The following CCDC91 variants were observed in gnomAD, a reference collection of about 807,000 sequenced individuals.
CCDC91 encodes coiled-coil domain-containing protein 91.
CCDC91 carries 48 observed loss-of-function variants against 63.2 expected under a neutral mutation model. That is an observed-to-expected ratio of 0.76 (90% CI 0.60 to 0.97). The LOEUF (loss-of-function observed/expected upper bound fraction) is 0.97, where lower values mean the gene tolerates loss of function less well. Among genes scored for constraint, CCDC91 ranks in the 50% least tolerant of loss-of-function variants. The pLI, the probability that CCDC91 is intolerant of heterozygous loss-of-function variation, is 0.00. For missense variants in CCDC91, 500 were observed against 494.6 expected, an observed-to-expected ratio of 1.01 and a Z score of -0.10; for synonymous variants, 167 against 165.8, an observed-to-expected ratio of 1.01 and a Z score of -0.06.
chr12:28,474,773 GA>G lies in CCDC91; in HGVS notation c.1102-9269del, dbSNP rs146240784. Among the ~76,000 whole-genome samples, 347 of 146,202 alleles carry G rather than the reference GA, an allele frequency of 2.4e-3. 2 individuals are homozygous for G. Among genetic ancestry groups the G allele is most frequent in the Middle Eastern group, 7.0e-3 (2 of 284 alleles). The stretch of plus-strand genomic sequence containing the variant: ...GGAGATATTGAGAGAACATGAAAAA[GA>G]AAAAAAAAAGAGCAAATGTAAAAGA... On this transcript the variant is annotated intron_variant, in intron 11 of 12. Coordinates refer to ENST00000536442, the MANE Select transcript of CCDC91 (RefSeq NM_018318.5).
At chr12:28,274,771 A>G (rs1449485760) in intron 3 of CCDC91, among the ~76,000 whole-genome samples, 2 of 152,144 alleles carry the variant, frequency 1.3e-5, no homozygotes, top group Non-Finnish European at 2.9e-5. Context: ...TAGGTATACA[A>G]TCATGTCATC....
intron 6 of CCDC91, among the ~76,000 whole-genome samples, chr12:28,328,800 T>G (rs1244615997): frequency 1.3e-5 from 2 of 152,200 alleles, no homozygotes; most frequent in African/African-American, 2.4e-5. Context: ...TGCGATTTTT[T>G]TTTCTTTTTA....
intron 12 of CCDC91, among the ~76,000 whole-genome samples, chr12:28,530,037 A>C (rs1459411813): frequency 2.6e-5 from 4 of 152,182 alleles, no homozygotes; most frequent in Admixed American, 2.6e-4. Context: ...GACAGATTGT[A>C]TTTTCCAAAA....
At chr12:28,251,278 C>T (rs1946102068) in intron 1 of CCDC91, among the ~76,000 whole-genome samples, 1 of 151,644 alleles carries the variant, frequency 6.6e-6, no homozygotes, top group African/African-American at 2.4e-5. Flanking sequence ...TTTATTAGAC[C>T]TTTTTAGAAG....
intron 3 of CCDC91, among the ~76,000 whole-genome samples, chr12:28,273,692 T>G (rs1456208724): frequency 3.6e-4 from 52 of 144,744 alleles, no homozygotes; most frequent in African/African-American, 5.6e-4. Flanking sequence ...GGGTTGTTTG[T>G]TTTTTTCTTG....
At chr12:28,498,240 G>A (rs1952416938) in intron 12 of CCDC91, among the ~76,000 whole-genome samples, 1 of 151,488 alleles carries the variant, frequency 6.6e-6, no homozygotes, top group Non-Finnish European at 1.5e-5. Flanking sequence ...ATTGAAAATA[G>A]CATACATATT....
intron 12 of CCDC91, among the ~76,000 whole-genome samples, chr12:28,535,826 A>G (rs1355546520): frequency 1.3e-5 from 2 of 152,088 alleles, no homozygotes; most frequent in Admixed American, 1.3e-4. Flanking sequence ...CAGGAGATCA[A>G]GACCATCCTG....
chr12:28,501,746 C>G (rs1331937673), intron 12 of CCDC91, among the ~76,000 whole-genome samples: 3 of 151,918 alleles, frequency 2.0e-5, no homozygotes, highest in East Asian at 3.9e-4. Context: ...AGGATTCCCT[C>G]TTTTCTATTG....
rs114782011 is a variant in CCDC91 at position 28,391,184 on chromosome 12, A to G, written c.655-120A>G. 3.3e-3 allele frequency: 1,776 copies of G among 542,076 alleles called. 31 individuals carry two copies. The highest frequency in any genetic ancestry group is 0.031 in the African/African-American group (1,608 of 51,364). The allele number at this position is 542,076 out of a possible 1,614,324, so 33.6% of individuals were successfully genotyped here. ...TGTGCTTCAGTATTAACAAATACAT[A>G]TTTTGTAATTTAGGAGAATATCGTA... On this transcript the variant is annotated intron_variant, in intron 7 of 12. Transcript: ENST00000536442.
At chr12:28,274,475 A>G (rs538181485) in intron 3 of CCDC91, among the ~76,000 whole-genome samples, 8 of 152,300 alleles carry the variant, frequency 5.3e-5, no homozygotes, top group African/African-American at 1.9e-4. Flanking sequence ...ACTCATGAGC[A>G]TGGAATGTTC....
chr12:28,486,639 T>TTTA (rs1478695430), intron 12 of CCDC91, among the ~76,000 whole-genome samples: 2 of 152,218 alleles, frequency 1.3e-5, no homozygotes, highest in African/African-American at 4.8e-5. Flanking sequence ...AGAAATGCCT[T>TTTA]TTTAAGAGAT....
At chr12:28,520,569 A>C (rs2141417879) in intron 12 of CCDC91, among the ~76,000 whole-genome samples, 1 of 152,158 alleles carries the variant, frequency 6.6e-6, no homozygotes, top group Admixed American at 6.6e-5. Flanking sequence ...GAAGCTCTTT[A>C]GTTTAATTAG....
At chr12:28,492,665 C>T (rs1407054972) in intron 12 of CCDC91, among the ~76,000 whole-genome samples, 5 of 151,418 alleles carry the variant, frequency 3.3e-5, no homozygotes. Flanking sequence ...GTAACATGAA[C>T]AGCTAAGAGA....
chr12:28,395,242 G>A (rs905116485), intron 8 of CCDC91, among the ~76,000 whole-genome samples: 7 of 152,136 alleles, frequency 4.6e-5, no homozygotes, highest in Non-Finnish European at 1.0e-4. Context: ...CCAGATGTGT[G>A]GGAGTTTTCT....
At chr12:28,240,344 TCTTGA>T (rs1413825221) in intron 1 of CCDC91, among the ~76,000 whole-genome samples, 1 of 152,166 alleles carries the variant, frequency 6.6e-6, no homozygotes, top group African/African-American at 2.4e-5. Flanking sequence ...ATTGATTACT[TCTTGA>T]CTTTTTTTTC....
At chr12:28,322,325 T>C (rs960936362) in intron 6 of CCDC91, among the ~76,000 whole-genome samples, 3 of 151,846 alleles carry the variant, frequency 2.0e-5, no homozygotes, top group Non-Finnish European at 4.4e-5. Flanking sequence ...ACCTGCTCTT[T>C]ACTGCATAGG....
intron 6 of CCDC91, among the ~76,000 whole-genome samples, chr12:28,310,381 G>T (rs1438035153): frequency 6.6e-6 from 1 of 151,944 alleles, no homozygotes; most frequent in African/African-American, 2.4e-5. Flanking sequence ...CATTATCATT[G>T]TTGTCTCACT....
chr12:28,394,519 A>G (rs1349545116), intron 8 of CCDC91, among the ~76,000 whole-genome samples: 2 of 152,104 alleles, frequency 1.3e-5, no homozygotes, highest in Admixed American at 6.6e-5. Context: ...ATTAGTATGT[A>G]TTAATAACAT....
At chr12:28,408,862 C>G (rs372750951) in intron 8 of CCDC91, among the ~76,000 whole-genome samples, 1 of 152,012 alleles carries the variant, frequency 6.6e-6, no homozygotes. Context: ...AGGCTGCTCT[C>G]GAACTCCTGA....
Sources: gnomAD v4.1 joint callset for allele counts (sites outside exome capture counted in the v4.1 genomes callset) on GRCh38, gnomAD v4.1.1 for gene constraint, MANE v1.5 for transcripts, NCBI Gene and HGNC (gene_info 2026-07-23, HGNC 2026-07-21) for gene names.